Variants in MCM3AP observed in about 807,000 individuals in gnomAD.
The protein encoded by MCM3AP is germinal-center associated nuclear protein.
In MCM3AP, 126 loss-of-function variants were observed where a neutral mutation model predicts 184.1. That is an observed-to-expected ratio of 0.68 (90% CI 0.59 to 0.79). The LOEUF is 0.79. Ranked by LOEUF, MCM3AP falls within the 30% of genes least tolerant of loss-of-function variation. The pLI, the probability that MCM3AP is intolerant of heterozygous loss-of-function variation, is 0.00. For missense variants in MCM3AP, 2,496 were observed against 2,479.2 expected (o/e 1.01, Z -0.14); for synonymous variants, 1,002 against 979.3 (o/e 1.02, Z -0.43).
In MCM3AP at chr21:46,280,054, G is replaced by A; in HGVS notation, c.1606C>T (p.Gln536Ter). 1.2e-6 allele frequency: 2 copies of A among 1,614,128 alleles called. No individual in the cohort carries two copies. The highest frequency in any genetic ancestry group is 1.7e-6 in the Non-Finnish European group (2 of 1,179,952). The change falls in exon 4 of 28, where the codon CAG (glutamine) becomes TAG (stop). Residue 536 changes from glutamine to a stop codon, truncating the protein, a stop_gained. Transcript: ENST00000291688. LOFTEE classifies it high-confidence loss of function. ...GCGGCCTTGCCAAGAGGAGAGTGCTGAAAGGGTGCATCCTCTGTGCTCGGG... is the reference window on the plus strand; with the variant it reads ...GCGGCCTTGCCAAGAGGAGAGTGCTAAAAGGGTGCATCCTCTGTGCTCGGG... The part of the protein sequence containing the change: ...VSPSTEDAPF[Q>*]HSPLGKAAGR...
chr21:46,268,864 C>T (rs559396017), intron 9 of MCM3AP, among the ~76,000 whole-genome samples: 3 of 152,188 alleles, frequency 2.0e-5, no homozygotes, highest in African/African-American at 7.2e-5. Flanking sequence ...GCCAGCATGG[C>T]GAAATCCCAT....
chr21:46,258,987 G>A lies in MCM3AP; in HGVS notation c.3686C>T (p.Ala1229Val). ...CTGAAGCTCCTGGAGGGTCTCCTTT[G>A]CAGTCTGGAAGATTTCCTCCACGAG... ...LFLVEEIFQT[A>V]KETLQELQCF... The change falls in exon 16 of 28, where the codon GCA becomes GTA. Residue 1229 changes from alanine (A) to valine (V), a missense_variant. Transcript: ENST00000291688. 6.2e-7 allele frequency: 1 copy of A among 1,614,092 alleles called. No individual in the cohort carries two copies. Among genetic ancestry groups the A allele is most frequent in the Non-Finnish European group, 8.5e-7 (1 of 1,179,992 alleles).
Position 46,254,373 on chromosome 21 carries a change from G to C in MCM3AP, c.4136+19C>G. 1 of 1,612,836 alleles carries C rather than the reference G, an allele frequency of 6.2e-7. No homozygotes were observed. Among genetic ancestry groups the C allele is most frequent in the Non-Finnish European group, 8.5e-7 (1 of 1,179,688 alleles). On this transcript the variant is annotated intron_variant, in intron 19 of 27. Coordinates refer to ENST00000291688, the MANE Select transcript of MCM3AP (RefSeq NM_003906.5). Reference sequence around the variant, plus strand: ...CACTCCACCTCTTGGAAACCCCACAGGGGAAAACCCTTCCTGACCTGCCAC... The same window carrying C: ...CACTCCACCTCTTGGAAACCCCACACGGGAAAACCCTTCCTGACCTGCCAC...
At chr21:46,258,026 G>C (rs892592501) in intron 16 of MCM3AP, among the ~76,000 whole-genome samples, 20 of 152,136 alleles carry the variant, frequency 1.3e-4, no homozygotes, top group African/African-American at 4.8e-4. Context: ...ACTGGCAACG[G>C]GGACAGCTCA....
At chr21:46,256,008 C>T (rs2080944015) in intron 17 of MCM3AP, among the ~76,000 whole-genome samples, 1 of 152,166 alleles carries the variant, frequency 6.6e-6, no homozygotes. Context: ...AAATGAAACC[C>T]ACAAGACAGT....
chr21:46,246,609 C>T lies in MCM3AP; in HGVS notation c.4549+19G>A, dbSNP rs778601473. On this transcript the variant is annotated intron_variant, in intron 21 of 27. Coordinates refer to ENST00000291688, the MANE Select transcript of MCM3AP (RefSeq NM_003906.5). ...TTATTAAACAATGCTGCTTCATAAA[C>T]GAGACTTCCTTCACAAACCATCTTC... The T allele has an allele frequency of 1.8e-5, 29 of 1,605,504 alleles. No homozygotes were observed. The highest frequency in any genetic ancestry group is 8.0e-5 in the African/African-American group (6 of 74,744).
chr21:46,267,168 A>C (rs747671441), intron 9 of MCM3AP, 26 bp from the exon 10 acceptor site: 1 of 1,606,942 alleles, frequency 6.2e-7, no homozygotes, highest in South Asian at 1.1e-5. Flanking sequence ...AAATCACTGC[A>C]GTCTCAGACG....
At chr21:46,279,967 A>G in intron 4 of MCM3AP, 26 bp downstream of exon 4, 1 of 1,592,444 alleles carries the variant, frequency 6.3e-7, no homozygotes, top group Non-Finnish European at 8.5e-7. Flanking sequence ...TTCCGGAATA[A>G]GGTCATTAGG....
intron 19 of MCM3AP, 163 bp from the exon 20 acceptor site, chr21:46,251,845 T>G: frequency 2.0e-6 from 1 of 490,478 alleles, no homozygotes. Flanking sequence ...CAAAACAGGC[T>G]GTTGTTTTAA....
chr21:46,247,510 C>T (rs2080795535), intron 20 of MCM3AP: 2 of 151,692 alleles, frequency 1.3e-5, no homozygotes, highest in African/African-American at 4.8e-5. Context: ...GTGCCCACCA[C>T]CACACCCAGC....
chr21:46,236,826 C>CAAA lies in MCM3AP; in HGVS notation c.5784+2_5784+3insTTT. 6.5e-7 allele frequency: 1 copy of CAAA among 1,538,994 alleles called. No individual in the cohort carries two copies. Among genetic ancestry groups the CAAA allele is most frequent in the Non-Finnish European group, 8.7e-7 (1 of 1,150,970 alleles). On this transcript the variant is annotated splice_region_variant and intron_variant, in intron 27 of 27. Transcript: ENST00000291688. ...AAATGCCAAATGTATACGTTCTTCTCACCTGTGGGCTAGTAGTTACAGATG... is the reference window on the plus strand; with the variant it reads ...AAATGCCAAATGTATACGTTCTTCTCAAAACCTGTGGGCTAGTAGTTACAGATG...
chr21:46,262,690 G>A (rs1254927538), intron 13 of MCM3AP, among the ~76,000 whole-genome samples: 13 of 151,732 alleles, frequency 8.6e-5, no homozygotes, highest in South Asian at 2.1e-4. Flanking sequence ...AAAGGAGGCC[G>A]GGCGCGGTGG....
chr21:46,264,324 C>T (rs576600381), intron 12 of MCM3AP, 107 bp from the exon 13 acceptor site: 2 of 664,402 alleles, frequency 3.0e-6, no homozygotes, highest in South Asian at 3.7e-5. Context: ...GACAGAAGCA[C>T]AACCCCTGAC....
At chr21:46,264,391 A>G (rs2081080640) in intron 12 of MCM3AP, among the ~76,000 whole-genome samples, 174 bp from the exon 13 acceptor site, 1 of 152,204 alleles carries the variant, frequency 6.6e-6, no homozygotes, top group Non-Finnish European at 1.5e-5. Context: ...GAAAGGTGCC[A>G]TCTGGAGAGG....
In MCM3AP at chr21:46,259,086, G is replaced by A. The variant is rs1334167388; in HGVS notation, c.3587C>T (p.Ala1196Val). 6.2e-7 allele frequency: 1 copy of A among 1,607,998 alleles called. No individual in the cohort carries two copies. Among genetic ancestry groups the A allele is most frequent in the Middle Eastern group, 1.7e-4 (1 of 6,014 alleles). ...ACGGACCCTCTGGTCTGTCTCTACT[G>A]CATTCCTAGAAACAGGGCAATCAGC... ...RETCSQELKN[A>V]VETDQRVRVA... is the part of the protein sequence containing the mutation. Residue 1196 changes from alanine (A) to valine (V), a missense_variant, in exon 16 of 28, where the codon GCA (alanine) becomes GTA (valine). Physicochemically the swap from Ala to Val is moderately conservative, Grantham distance 64. Around this residue, in one of 5 missense-constraint regions of MCM3AP, gnomAD observed 1,323 missense variants for 1,273.4 expected, o/e 1.04. Coordinates refer to ENST00000291688, the MANE Select transcript of MCM3AP (RefSeq NM_003906.5).
chr21:46,253,995 T>TTC (rs1274164961), intron 19 of MCM3AP: 1 of 245,498 alleles, frequency 4.1e-6, no homozygotes, highest in Admixed American at 5.1e-5. Flanking sequence ...CATCTCCCCC[T>TTC]TCTCTCTCTC....
rs759612625 is a variant in MCM3AP at position 46,277,640 on chromosome 21, G to A, written c.1745C>T (p.Ser582Phe). The change falls in exon 5 of 28, where the codon TCC becomes TTC. Residue 582 changes from serine to phenylalanine, a missense_variant. Ser to Phe is a radical substitution (Grantham distance 155, BLOSUM62 -2). This residue lies in a region of MCM3AP where 800 missense variants were observed against 717.1 expected (regional missense o/e 1.12). Transcript: ENST00000291688. ...GDSFDSASEG[S>F]EGLGPCVLSL... The stretch of plus-strand genomic sequence containing the variant: ...GAGCACACATGGCCCGAGGCCCTCG[G>A]AGCCCTCGGAGGCTGAGTCAAAAGA... 6.2e-7 allele frequency: 1 copy of A among 1,611,596 alleles called. No individual in the cohort carries two copies. Among genetic ancestry groups the A allele is most frequent in the Admixed American group, 1.7e-5 (1 of 59,692 alleles).
In MCM3AP at chr21:46,261,329, T is replaced by C; in HGVS notation, c.3418A>G (p.Lys1140Glu). Residue 1140 changes from lysine (K) to glutamate (E), a missense_variant, in exon 14 of 28, where the codon AAG (lysine) becomes GAG (glutamate). Transcript: ENST00000291688. ...TCCTGCTCCCTTCGCTCTCTTTCCTTAGACACTTCTTCAGCTGCAATGTGC... is the reference window on the plus strand; with the variant it reads ...TCCTGCTCCCTTCGCTCTCTTTCCTCAGACACTTCTTCAGCTGCAATGTGC... ...LRHIAAEEVS[K>E]ERERREQERQ... is the part of the protein sequence containing the mutation. The C allele has an allele frequency of 6.2e-7, 1 of 1,614,186 alleles. No homozygotes were observed. Among genetic ancestry groups the C allele is most frequent in the Non-Finnish European group, 8.5e-7 (1 of 1,180,030 alleles).
chr21:46,261,733 A>T (rs1395110044), intron 13 of MCM3AP, among the ~76,000 whole-genome samples: 2 of 18,822 alleles, frequency 1.1e-4, no homozygotes, highest in African/African-American at 5.0e-4. Context: ...ACTCTGTCTC[A>T]AAAAAAAAAA....
Sources: gnomAD v4.1 joint callset for allele counts (sites outside exome capture counted in the v4.1 genomes callset) on GRCh38, gnomAD v4.1.1 for gene constraint, gnomAD v4.1.1 regional missense constraint, MANE v1.5 for transcripts, NCBI Gene and HGNC (gene_info 2026-07-23, HGNC 2026-07-21) for gene names.